Variants in ABLIM1 observed in about 807,000 individuals in gnomAD.
The protein encoded by ABLIM1 is actin-binding LIM protein 1.
ABLIM1 carries 40 observed loss-of-function variants against 107.0 expected under a neutral mutation model. That is an observed-to-expected ratio of 0.37 (90% confidence interval 0.29 to 0.49). ABLIM1 has a LOEUF of 0.49. Ranked by LOEUF, ABLIM1 falls within the 20% of genes least tolerant of loss-of-function variation. The pLI is 0.97. For missense variants in ABLIM1, 857 were observed against 1,008.5 expected, an observed-to-expected ratio of 0.85 and a Z score of 2.04; for synonymous variants, 357 against 357.3, an observed-to-expected ratio of 1.00 and a Z score of 0.01.
the ABLIM1 span, among the ~76,000 whole-genome samples, chr10:114,780,813 C>T: frequency 6.6e-6 from 1 of 152,082 alleles, no homozygotes; most frequent in African/African-American, 2.4e-5. Context: ...GGAGTTTGAG[C>T]CCTTACCCCT....
intron 1 of ABLIM1, among the ~76,000 whole-genome samples, chr10:114,643,878 T>C (rs1383598449): frequency 6.6e-6 from 1 of 152,106 alleles, no homozygotes; most frequent in African/African-American, 2.4e-5. Context: ...CCCTAGCCTA[T>C]ATCCAGATTC....
At chr10:114,499,379 T>C (rs1590502540) in intron 6 of ABLIM1, among the ~76,000 whole-genome samples, 1 of 152,222 alleles carries the variant, frequency 6.6e-6, no homozygotes, top group African/African-American at 2.4e-5. Context: ...AAGATCTAAC[T>C]TGATTCAGAG....
intron 2 of ABLIM1, among the ~76,000 whole-genome samples, chr10:114,584,910 TG>T (rs1340125073): frequency 1.3e-5 from 2 of 152,218 alleles, no homozygotes; most frequent in African/African-American, 2.4e-5. Context: ...GTAAACTTGT[TG>T]TTTAACCTGT....
intron 1 of ABLIM1, among the ~76,000 whole-genome samples, chr10:114,763,347 T>C (rs1011121863): frequency 5.3e-5 from 8 of 152,136 alleles, no homozygotes; most frequent in South Asian, 2.1e-4. Flanking sequence ...TATAATTTAA[T>C]ATTTTAATGT....
At chr10:114,728,256 G>A (rs764334244) in intron 1 of ABLIM1, among the ~76,000 whole-genome samples, 8 of 152,126 alleles carry the variant, frequency 5.3e-5, no homozygotes, top group Non-Finnish European at 1.2e-4. Context: ...AAACGGGAAC[G>A]CTTTTATACT....
intron 2 of ABLIM1, among the ~76,000 whole-genome samples, chr10:114,596,411 A>G (rs1462601024): frequency 6.6e-6 from 1 of 152,218 alleles, no homozygotes; most frequent in East Asian, 1.9e-4. Context: ...ATTAACATTT[A>G]GTAAATGGGC....
chr10:114,641,790 G>A (rs1232114395), intron 1 of ABLIM1, among the ~76,000 whole-genome samples: 1 of 152,196 alleles, frequency 6.6e-6, no homozygotes, highest in Non-Finnish European at 1.5e-5. Context: ...GGTGAGATCA[G>A]GAGGCAGACA....
intron 17 of ABLIM1, among the ~76,000 whole-genome samples, chr10:114,443,096 C>A (rs1399888397): frequency 6.6e-6 from 1 of 152,034 alleles, no homozygotes; most frequent in Non-Finnish European, 1.5e-5. Context: ...CCTTGGTCTC[C>A]CCACTAAATG....
intron 1 of ABLIM1, among the ~76,000 whole-genome samples, chr10:114,675,838 C>T (rs2080458703): frequency 6.6e-6 from 1 of 152,190 alleles, no homozygotes; most frequent in African/African-American, 2.4e-5. Context: ...TGTTCCATTC[C>T]TCTCTGCTAC....
intron 6 of ABLIM1, among the ~76,000 whole-genome samples, chr10:114,543,068 A>G (rs1251049667): frequency 6.6e-6 from 1 of 152,150 alleles, no homozygotes; most frequent in African/African-American, 2.4e-5. Flanking sequence ...AGCTAGCACC[A>G]CCATCATTTT....
upstream of ABLIM1, among the ~76,000 whole-genome samples, chr10:114,661,290 A>G (rs2079786494): frequency 6.6e-6 from 1 of 152,194 alleles, no homozygotes; most frequent in Non-Finnish European, 1.5e-5. Context: ...GGCTGACTCC[A>G]TTCTCAGGCA....
At chr10:114,762,329 G>C (rs961456567) in intron 1 of ABLIM1, among the ~76,000 whole-genome samples, 1 of 152,070 alleles carries the variant, frequency 6.6e-6, no homozygotes, top group African/African-American at 2.4e-5. Flanking sequence ...CACTGTGCCC[G>C]GCCAGGATAT....
chr10:114,567,346 T>C (rs79199552), intron 4 of ABLIM1, among the ~76,000 whole-genome samples: 3,342 of 152,346 alleles, frequency 0.022, 107 homozygotes, highest in African/African-American at 0.068. Context: ...TTAACCTCTA[T>C]GGACATTTGT....
At chr10:114,663,343 A>C (rs1190133652) in intron 1 of ABLIM1, among the ~76,000 whole-genome samples, 3 of 152,060 alleles carry the variant, frequency 2.0e-5, no homozygotes, top group Non-Finnish European at 4.4e-5. Flanking sequence ...AGACTGTCTT[A>C]TTTCCCCTGC....
At chr10:114,447,746 A>T in intron 15 of ABLIM1, 134 bp downstream of exon 15, 2 of 1,264,524 alleles carry the variant, frequency 1.6e-6, no homozygotes, top group Non-Finnish European at 2.2e-6. Flanking sequence ...AGTTCTTTTC[A>T]CTATGCTACC....
At chr10:114,703,949 A>G (rs770077882) in intron 1 of ABLIM1, among the ~76,000 whole-genome samples, 18 of 152,164 alleles carry the variant, frequency 1.2e-4, no homozygotes, top group Non-Finnish European at 5.9e-5. Context: ...TACTCACTAA[A>G]TCTTTATCCC....
At chr10:114,620,653 C>T (rs2077410938) in intron 1 of ABLIM1, among the ~76,000 whole-genome samples, 1 of 152,118 alleles carries the variant, frequency 6.6e-6, no homozygotes, top group African/African-American at 2.4e-5. Context: ...CTCAAGTGAT[C>T]CGCCCACCTC....
chr10:114,496,505 G>A (rs2059688292), intron 6 of ABLIM1, among the ~76,000 whole-genome samples: 1 of 151,996 alleles, frequency 6.6e-6, no homozygotes, highest in South Asian at 2.1e-4. Flanking sequence ...GTTGGGGGAG[G>A]GTGGCGGGGG....
At chr10:114,556,831 A>C (rs901460727) in intron 4 of ABLIM1, among the ~76,000 whole-genome samples, 6 of 152,230 alleles carry the variant, frequency 3.9e-5, no homozygotes, top group Admixed American at 2.0e-4. Context: ...CAAGTCACTC[A>C]AATGAGTCCA....
Sources: gnomAD v4.1 joint callset for allele counts (sites outside exome capture counted in the v4.1 genomes callset) on GRCh38, gnomAD v4.1.1 for gene constraint, MANE v1.5 for transcripts, NCBI Gene and HGNC (gene_info 2026-07-23, HGNC 2026-07-21) for gene names.